Variants in RUVBL1 observed in about 807,000 individuals in gnomAD.
RUVBL1 encodes RuvB like AAA ATPase 1.
A neutral mutation model predicts 52.4 loss-of-function variants in RUVBL1; 4 were observed. The observed-to-expected ratio is 0.08, with a 90% CI of 0.04 to 0.17. The LOEUF (loss-of-function observed/expected upper bound fraction) is 0.17, where lower values mean the gene tolerates loss of function less well. RUVBL1 is among the 10% of genes least tolerant of loss of function. RUVBL1 has a pLI of 1.00. For synonymous variants in RUVBL1, 217 were observed against 214.4 expected (o/e 1.01, Z -0.10); for missense variants, 298 against 572.8 (o/e 0.52, Z 4.90).
chr3:128,073,755 T>C (rs911993521), intron 9 of RUVBL1, among the ~76,000 whole-genome samples: 3 of 152,234 alleles, frequency 2.0e-5, no homozygotes, highest in African/African-American at 7.2e-5. Flanking sequence ...CTGTCAAACC[T>C]GTGGGCCTTG....
chr3:128,131,509 T>G (rs1943875309), intron 1 of RUVBL1, among the ~76,000 whole-genome samples: 1 of 143,658 alleles, frequency 7.0e-6, no homozygotes. Flanking sequence ...AAACAAACAC[T>G]GTAAAACAAA....
chr3:128,109,660 ATTTTTGTAT>A (rs1294778206), intron 3 of RUVBL1, among the ~76,000 whole-genome samples: 1 of 151,516 alleles, frequency 6.6e-6, no homozygotes, highest in African/African-American at 2.4e-5. Context: ...CACCCAGCTA[ATTTTTGTAT>A]TTTTTGTAGA....
chr3:128,138,649 C>T (rs904986530), intron 1 of RUVBL1, among the ~76,000 whole-genome samples: 1 of 151,962 alleles, frequency 6.6e-6, no homozygotes, highest in Non-Finnish European at 1.5e-5. Context: ...AGATTCAGTG[C>T]AATCCCTATA....
chr3:128,086,548 G>A (rs1942650833), intron 9 of RUVBL1, among the ~76,000 whole-genome samples: 1 of 152,230 alleles, frequency 6.6e-6, no homozygotes, highest in African/African-American at 2.4e-5. Flanking sequence ...GGGCAAAGGT[G>A]GGCAGGGCAG....
chr3:128,126,451 C>T (rs148794652), upstream of RUVBL1, among the ~76,000 whole-genome samples: 2 of 151,944 alleles, frequency 1.3e-5, no homozygotes, highest in Non-Finnish European at 2.9e-5. Flanking sequence ...GAGGCTGAGG[C>T]ACGAGAATCG....
chr3:128,104,291 G>T (rs1161092368), intron 4 of RUVBL1, among the ~76,000 whole-genome samples: 1 of 152,208 alleles, frequency 6.6e-6, no homozygotes, highest in South Asian at 2.1e-4. Context: ...GCGACCACAG[G>T]TTCCTGACAC....
intron 1 of RUVBL1, among the ~76,000 whole-genome samples, 190 bp downstream of exon 1, chr3:128,123,394 T>C (rs1943703139): frequency 1.3e-5 from 2 of 152,262 alleles, no homozygotes; most frequent in South Asian, 4.1e-4. Context: ...CTAGGTATCC[T>C]GGGGCGGCCC....
At chr3:128,153,339 C>T in exon 1 of RUVBL1, 2 of 1,375,250 alleles carry the variant, frequency 1.5e-6, no homozygotes, top group South Asian at 1.7e-5. Context: ...CCACTCGGAG[C>T]ACGGCGCTCG....
chr3:128,152,125 A>C (rs1944227743), intron 1 of RUVBL1, among the ~76,000 whole-genome samples: 1 of 152,216 alleles, frequency 6.6e-6, no homozygotes, highest in African/African-American at 2.4e-5. Flanking sequence ...CCACCTGGCC[A>C]GAGCAGACAC....
At chr3:128,066,994 G>A (rs759524745) in intron 9 of RUVBL1, 16 of 1,614,034 alleles carry the variant, frequency 9.9e-6, no homozygotes, top group South Asian at 1.1e-5. Flanking sequence ...GCCCGCTACC[G>A]TGGCCAGTAC....
At chr3:128,099,001 T>TG in intron 6 of RUVBL1, 56 bp from the exon 7 acceptor site, 1 of 1,447,146 alleles carries the variant, frequency 6.9e-7, no homozygotes, top group Admixed American at 1.7e-5. Context: ...TACAGAAGCC[T>TG]CATCCCCCTG....
In RUVBL1 at chr3:128,082,560, A is replaced by G. The variant is rs1346896860; in HGVS notation, c.1134T>C (p.Arg378=). Residue 378 remains arginine (R), a synonymous_variant, in exon 10 of 11, where the codon CGT becomes CGC. Coordinates refer to ENST00000322623, the MANE Select transcript of RUVBL1 (RefSeq NM_003707.3). This position sits in a 1 kb window ranked among gnomAD's most constrained non-coding sequence, Gnocchi z 4.7. ...TGATGTTGATTCCTTCCGTCTGGGCACGGATTTTAATGATCTTTTAAAGGA... is the reference window on the plus strand; with the variant it reads ...TGATGTTGATTCCTTCCGTCTGGGCGCGGATTTTAATGATCTTTTAAAGGA... The part of the protein sequence containing the change: ...PQEMKQIIKI[R]AQTEGINISE... 6.2e-7 allele frequency: 1 copy of G among 1,612,534 alleles called. No homozygotes were observed. The highest frequency in any genetic ancestry group is 1.3e-5 in the African/African-American group (1 of 74,806).
rs984719039 is a variant in RUVBL1 at position 128,081,475 on chromosome 3, C to T, written c.1212-66G>A. 2.0e-6 allele frequency: 3 copies of T among 1,509,838 alleles called. No individual in the cohort carries two copies. The highest frequency in any genetic ancestry group is 1.8e-6 in the Non-Finnish European group (2 of 1,108,178). The allele number at this position is 1,509,838 out of a possible 1,614,324, so 93.5% of individuals were successfully genotyped here. On this transcript the variant is annotated intron_variant, in intron 10 of 10. Transcript: ENST00000322623. This position sits in a 1 kb window ranked among gnomAD's most constrained non-coding sequence, Gnocchi z 4.8. ...CACCGAAGAAAGCACCTTCCCCCCA[C>T]ATCAGTAGGCAGCACTGGCACCAGG...
chr3:128,146,587 T>C (rs1236238501), intron 1 of RUVBL1, among the ~76,000 whole-genome samples: 1 of 151,778 alleles, frequency 6.6e-6, no homozygotes, highest in East Asian at 1.9e-4. Flanking sequence ...TCTATGTGTG[T>C]GTATGGCCCC....
At chr3:128,143,567 T>A (rs1944062829) in intron 1 of RUVBL1, among the ~76,000 whole-genome samples, 1 of 152,218 alleles carries the variant, frequency 6.6e-6, no homozygotes, top group African/African-American at 2.4e-5. Context: ...TGGGGGCCAC[T>A]ATTCTGCCAT....
At chr3:128,141,561 A>G (rs1944021048) in intron 1 of RUVBL1, among the ~76,000 whole-genome samples, 2 of 152,132 alleles carry the variant, frequency 1.3e-5, no homozygotes, top group Admixed American at 1.3e-4. Flanking sequence ...AAGTGGCACA[A>G]TCTCGGCTCA....
intron 9 of RUVBL1, among the ~76,000 whole-genome samples, chr3:128,072,256 A>AGGG (rs946251295): frequency 2.6e-5 from 4 of 152,200 alleles, no homozygotes; most frequent in Admixed American, 2.6e-4. Flanking sequence ...AGTCCTGGAC[A>AGGG]GGGCCTCACC....
chr3:128,131,556 T>A (rs149298500), intron 1 of RUVBL1, among the ~76,000 whole-genome samples: 56 of 152,208 alleles, frequency 3.7e-4, no homozygotes, highest in African/African-American at 1.3e-3. Flanking sequence ...ATCAAGATCC[T>A]GTATGAATAT....
At chr3:128,065,345 C>G (rs1183142671) in intron 9 of RUVBL1, 3 of 584,682 alleles carry the variant, frequency 5.1e-6, no homozygotes, top group East Asian at 5.6e-5. Context: ...AAAAAGTACT[C>G]TAGCTCTGAA....
Sources: allele counts gnomAD v4.1 joint callset (sites outside exome capture counted in the v4.1 genomes callset), GRCh38; gene constraint gnomAD v4.1.1; non-coding constraint Gnocchi (gnomAD v3.1); transcripts MANE v1.5; gene names NCBI Gene and HGNC (gene_info 2026-07-23, HGNC 2026-07-21).